Variants in RBBP5 observed in about 807,000 individuals in gnomAD.
The protein encoded by RBBP5 is retinoblastoma-binding protein 5.
Under a neutral mutation model 72.2 loss-of-function variants are expected in RBBP5, and 5 were observed. The ratio of observed to expected loss-of-function variants is 0.07; its 90% CI spans 0.04 to 0.15. The LOEUF (loss-of-function observed/expected upper bound fraction) is 0.15, where lower values mean the gene tolerates loss of function less well. Among genes scored for constraint, RBBP5 ranks in the 10% least tolerant of loss-of-function variants. The probability of loss-of-function intolerance (pLI) is 1.00; values close to 1 mark genes in which losing one functional copy is unlikely to be tolerated. For synonymous variants in RBBP5, 209 were observed against 237.2 expected, an observed-to-expected ratio of 0.88 and a Z score of 1.09; for missense variants, 322 against 652.2, an observed-to-expected ratio of 0.49 and a Z score of 5.51.
At chr1:205,117,666 A>C (rs903575063) in intron 1 of RBBP5, among the ~76,000 whole-genome samples, 3 of 152,018 alleles carry the variant, frequency 2.0e-5, no homozygotes, top group African/African-American at 4.8e-5. Context: ...GTCTCAAAAA[A>C]AGAATAATAA....
intron 1 of RBBP5, among the ~76,000 whole-genome samples, chr1:205,118,959 C>T (rs1020740643): frequency 4.6e-5 from 7 of 152,190 alleles, no homozygotes; most frequent in Non-Finnish European, 1.5e-5. Flanking sequence ...CTTCAGTAGG[C>T]TTCCACAATC....
rs1301517680 is a variant in RBBP5, at chr1:205,115,900, A to G, written c.20-17T>C. Reference sequence around the variant, plus strand: ...CAAAGGACTCTGCAACAAAGCAAAGAAAGAGTTGATGGCACATGTACCACA... The same window carrying G: ...CAAAGGACTCTGCAACAAAGCAAAGGAAGAGTTGATGGCACATGTACCACA... On this transcript the variant is annotated splice_polypyrimidine_tract_variant and intron_variant, in intron 1 of 13. Coordinates refer to ENST00000264515, the MANE Select transcript of RBBP5 (RefSeq NM_005057.4). 11 of 1,613,656 alleles carry G rather than the reference A, an allele frequency of 6.8e-6. No homozygotes were observed. The highest frequency in any genetic ancestry group is 2.7e-5 in the African/African-American group (2 of 75,046).
intron 13 of RBBP5, among the ~76,000 whole-genome samples, chr1:205,093,857 G>C (rs950225933): frequency 1.3e-5 from 2 of 151,960 alleles, no homozygotes; most frequent in African/African-American, 2.4e-5. Context: ...TTGCACTCTA[G>C]TCCACACATT....
intron 3 of RBBP5, among the ~76,000 whole-genome samples, chr1:205,109,468 C>T (rs1027161147): frequency 2.0e-5 from 3 of 152,002 alleles, no homozygotes; most frequent in Non-Finnish European, 4.4e-5. Context: ...GAACAGGTTT[C>T]GTTGCTATTC....
intron 2 of RBBP5, among the ~76,000 whole-genome samples, chr1:205,115,416 T>C (rs988643783): frequency 3.9e-5 from 6 of 152,174 alleles, no homozygotes; most frequent in Non-Finnish European, 5.9e-5. Context: ...AGTCAAATTA[T>C]TTCATATCAA....
intron 3 of RBBP5, among the ~76,000 whole-genome samples, chr1:205,113,447 T>G (rs1422981081): frequency 6.6e-6 from 1 of 151,968 alleles, no homozygotes; most frequent in Admixed American, 6.6e-5. Context: ...ACCCAGCTAA[T>G]TTTTTTACTT....
intron 4 of RBBP5, among the ~76,000 whole-genome samples, chr1:205,104,341 G>A (rs539655265): frequency 6.8e-4 from 103 of 151,510 alleles, no homozygotes; most frequent in African/African-American, 2.3e-3. Context: ...TGGCCAACAT[G>A]GTGAAACCCC....
intron 12 of RBBP5, among the ~76,000 whole-genome samples, chr1:205,096,461 G>C (rs1655621167): frequency 6.6e-6 from 1 of 152,174 alleles, no homozygotes; most frequent in African/African-American, 2.4e-5. Context: ...AAGAATTAAA[G>C]TGCAGCATCT....
intron 13 of RBBP5, chr1:205,091,177 C>T (rs1053516571): frequency 6.6e-6 from 1 of 152,252 alleles, no homozygotes; most frequent in Admixed American, 6.5e-5. Flanking sequence ...TGTATGTAAC[C>T]GACCACACCT....
rs559849769 is a variant in RBBP5 at position 205,104,505 on chromosome 1, G to A, written c.360-486C>T. Among the ~76,000 whole-genome samples, 21 of 150,310 alleles carry A rather than the reference G, an allele frequency of 1.4e-4. No individual in the cohort carries two copies. In the South Asian group the frequency reaches 1.9e-3, roughly 14 times the overall value. On this transcript the variant is annotated intron_variant, in intron 4 of 13. Transcript: ENST00000264515. ...GCCATTGCACTCCAGCTAGAGCGTC[G>A]CAGCGAGACTCCATCTCAAAAAAAT...
In RBBP5 at chr1:205,099,269, G is replaced by A. The variant is rs1010227276; in HGVS notation, c.979-163C>T. Among the ~76,000 whole-genome samples, 4 of 152,152 alleles carry A rather than the reference G, an allele frequency of 2.6e-5. No homozygotes were observed. Among genetic ancestry groups the A allele is most frequent in the African/African-American group, 9.7e-5 (4 of 41,424 alleles). ...GGTATCTGTAAGTTTTACTAGCTTA[G>A]GTATTTTCTATCTTAAACATTAAGA... On this transcript the variant is annotated intron_variant, in intron 9 of 13. Coordinates refer to ENST00000264515, the MANE Select transcript of RBBP5 (RefSeq NM_005057.4). This position sits in a 1 kb window ranked among gnomAD's most constrained non-coding sequence, Gnocchi z 4.7.
At chr1:205,107,070 G>A (rs1000393097) in intron 3 of RBBP5, among the ~76,000 whole-genome samples, 2 of 130,664 alleles carry the variant, frequency 1.5e-5, no homozygotes, top group African/African-American at 5.7e-5. Flanking sequence ...GTGTGTGTGT[G>A]TATACATATA....
intron 12 of RBBP5, among the ~76,000 whole-genome samples, chr1:205,096,045 T>C (rs192246319): frequency 3.3e-5 from 5 of 151,876 alleles, no homozygotes; most frequent in Admixed American, 6.5e-5. Flanking sequence ...ATATGAAAAT[T>C]AGCCAGGCGT....
At chr1:205,093,523 TATATATATATACACAC>T (rs1655476698) in intron 13 of RBBP5, among the ~76,000 whole-genome samples, 8 of 21,818 alleles carry the variant, frequency 3.7e-4, no homozygotes, top group African/African-American at 3.0e-3. Flanking sequence ...TATATATATA[TATATATATATACACAC>T]ACACACACAC....
intron 3 of RBBP5, among the ~76,000 whole-genome samples, chr1:205,108,696 G>A (rs1270666784): frequency 6.6e-6 from 1 of 152,176 alleles, no homozygotes; most frequent in Admixed American, 6.5e-5. Flanking sequence ...AAACTCAGCA[G>A]GCAATATAAT....
intron 3 of RBBP5, among the ~76,000 whole-genome samples, chr1:205,111,981 G>A (rs112550150): frequency 1.3e-4 from 19 of 151,742 alleles, no homozygotes; most frequent in African/African-American, 4.6e-4. Context: ...CCCTCTGCTT[G>A]GAATATATCT....
chr1:205,116,856 A>C (rs776242968), intron 1 of RBBP5, among the ~76,000 whole-genome samples: 1 of 152,186 alleles, frequency 6.6e-6, no homozygotes, highest in Non-Finnish European at 1.5e-5. Flanking sequence ...GAGTCAATTC[A>C]TATCAGTCAA....
At chr1:205,108,508 C>T (rs975869364) in intron 3 of RBBP5, among the ~76,000 whole-genome samples, 2 of 152,104 alleles carry the variant, frequency 1.3e-5, no homozygotes, top group African/African-American at 4.8e-5. Context: ...ACTAAAGCTA[C>T]ACAAGGGTAT....
rs1558570191 is a variant in RBBP5, at chr1:205,093,477, AAAATATATATATATATATATATAT to A, written c.1588+1372_1588+1395del. On this transcript the variant is annotated intron_variant, in intron 13 of 13. Coordinates refer to ENST00000264515, the MANE Select transcript of RBBP5 (RefSeq NM_005057.4). ...CCGTTTCAAAAAAAAAAAAAAAAAA[AAAATATATATATATATATATATAT>A]ATATATATATATATATATATATATA... is the stretch of plus-strand genomic sequence containing the variant. Among the ~76,000 whole-genome samples the A allele has an allele frequency of 5.8e-4, 4 of 6,898 alleles. 1 individual carries two copies. The highest frequency in any genetic ancestry group is 6.8e-4 in the African/African-American group (2 of 2,926). The allele number at this position is 6,898 out of a possible 152,430, so 4.5% of individuals were successfully genotyped here.
Sources: allele counts gnomAD v4.1 joint callset (sites outside exome capture counted in the v4.1 genomes callset), GRCh38; gene constraint gnomAD v4.1.1; non-coding constraint Gnocchi (gnomAD v3.1); transcripts MANE v1.5; gene names NCBI Gene and HGNC (gene_info 2026-07-23, HGNC 2026-07-21).